Variants in UNC13C observed in about 807,000 individuals in gnomAD.
The protein encoded by UNC13C is protein unc-13 homolog C.
Under a neutral mutation model 245.4 loss-of-function variants are expected in UNC13C, and 174 were observed. The ratio of observed to expected loss-of-function variants is 0.71; its 90% confidence interval spans 0.63 to 0.80. The LOEUF is 0.80. Ranked by LOEUF, UNC13C falls within the 30% of genes least tolerant of loss-of-function variation. UNC13C has a pLI of 0.00. For missense variants in UNC13C, 2,829 were observed against 2,602.9 expected, an observed-to-expected ratio of 1.09 and a Z score of -1.89; for synonymous variants, 992 against 895.1, an observed-to-expected ratio of 1.11 and a Z score of -1.93.
intron 17 of UNC13C, among the ~76,000 whole-genome samples, chr15:54,370,233 C>G (rs1268872678): frequency 2.0e-5 from 3 of 152,084 alleles, no homozygotes; most frequent in Non-Finnish European, 2.9e-5. Flanking sequence ...GATATCCAGT[C>G]TCTTCATTGA....
At chr15:54,073,451 C>T (rs879791315) in intron 2 of UNC13C, among the ~76,000 whole-genome samples, 7 of 152,162 alleles carry the variant, frequency 4.6e-5, no homozygotes, top group Non-Finnish European at 1.0e-4. Context: ...CTTGAGGAAT[C>T]GCCACACTGT....
intron 8 of UNC13C, among the ~76,000 whole-genome samples, chr15:54,257,502 A>G (rs2036309635): frequency 6.6e-6 from 1 of 152,240 alleles, no homozygotes; most frequent in Non-Finnish European, 1.5e-5. Flanking sequence ...TGGTACAGGC[A>G]GAAGAGAAAA....
chr15:54,364,757 T>A (rs1303308319), intron 17 of UNC13C, among the ~76,000 whole-genome samples: 3 of 152,192 alleles, frequency 2.0e-5, no homozygotes, highest in Non-Finnish European at 4.4e-5. Flanking sequence ...ATGAACCTTA[T>A]TCAATGTAAT....
chr15:54,526,778 A>G (rs1895487414), intron 25 of UNC13C, among the ~76,000 whole-genome samples: 2 of 149,970 alleles, frequency 1.3e-5, no homozygotes, highest in Admixed American at 1.3e-4. Flanking sequence ...TGCTCTCTTC[A>G]GGTAGGGACT....
intron 4 of UNC13C, among the ~76,000 whole-genome samples, chr15:54,217,252 T>C (rs531923971): frequency 1.2e-4 from 18 of 151,960 alleles, no homozygotes; most frequent in African/African-American, 3.9e-4. Flanking sequence ...TGATGTGAAA[T>C]TAAATAACTG....
At chr15:54,480,956 T>C (rs1161625967) in intron 19 of UNC13C, among the ~76,000 whole-genome samples, 1 of 152,210 alleles carries the variant, frequency 6.6e-6, no homozygotes, top group Non-Finnish European at 1.5e-5. Context: ...TTCAGGGATC[T>C]ATAGATGCAC....
chr15:54,562,533 C>T lies in UNC13C; in HGVS notation c.5959-5267C>T, dbSNP rs549597785. On this transcript the variant is annotated intron_variant, in intron 29 of 32. Coordinates refer to ENST00000260323, the MANE Select transcript of UNC13C (RefSeq NM_001080534.3). The stretch of plus-strand genomic sequence containing the variant: ...GCCACCACTTAATAGCAGCCAGTGA[C>T]GGGACCTCACTAACTTACAAGTGGA... Among the ~76,000 whole-genome samples, 156 of 152,004 alleles carry T rather than the reference C, an allele frequency of 1.0e-3. 2 individuals are homozygous for T. Among genetic ancestry groups the T allele is most frequent in the African/African-American group, 3.4e-3 (140 of 41,512 alleles).
At chr15:54,138,330 C>A (rs1297831225) in intron 2 of UNC13C, among the ~76,000 whole-genome samples, 2 of 152,000 alleles carry the variant, frequency 1.3e-5, no homozygotes, top group East Asian at 3.9e-4. Context: ...ATAACAGAAT[C>A]TTGGAAAATA....
intron 2 of UNC13C, among the ~76,000 whole-genome samples, chr15:54,071,753 A>G (rs549258919): frequency 6.6e-5 from 10 of 152,336 alleles, no homozygotes; most frequent in African/African-American, 2.2e-4. Flanking sequence ...TGAAACAGTC[A>G]TGCCCTTTTT....
intron 28 of UNC13C, among the ~76,000 whole-genome samples, chr15:54,552,439 AT>A (rs1896790950): frequency 1.2e-3 from 4 of 3,422 alleles, no homozygotes; most frequent in African/African-American, 3.8e-3. Context: ...ATAATTATAT[AT>A]TACAATATAT....
Position 54,013,759 on chromosome 15 carries a change from A to C in UNC13C, c.856A>C (p.Ser286Arg). ...CTCCAGCAGTGTGGAGGTTGTACAA[A>C]GTGAAATTGAGCAGTTGCGCACAGG... is the stretch of plus-strand genomic sequence containing the variant. ...EISSSVEVVQ[S>R]EIEQLRTGFV... Residue 286 changes from serine (S) to arginine (R), a missense_variant, in exon 2 of 33, where the codon AGT becomes CGT. Transcript: ENST00000260323. 1 of 1,611,040 alleles carries C rather than the reference A, an allele frequency of 6.2e-7. No individual in the cohort carries two copies. The highest frequency in any genetic ancestry group is 8.5e-7 in the Non-Finnish European group (1 of 1,178,664).
intron 7 of UNC13C, among the ~76,000 whole-genome samples, chr15:54,248,526 A>G (rs59824714): frequency 0.025 from 3,853 of 151,976 alleles, 158 homozygotes; most frequent in African/African-American, 0.089. Context: ...TCTTTATAAG[A>G]CATCTTTATT....
chr15:53,871,048 T>C, the UNC13C span, among the ~76,000 whole-genome samples: 1 of 152,192 alleles, frequency 6.6e-6, no homozygotes. Flanking sequence ...TTCTAGTTCA[T>C]TCTCATTTAG....
At chr15:54,626,477 G>C (rs1216634812) in intron 32 of UNC13C, among the ~76,000 whole-genome samples, 1 of 151,282 alleles carries the variant, frequency 6.6e-6, no homozygotes, top group African/African-American at 2.4e-5. Context: ...AGTAGTAACT[G>C]ATATTGAAAT....
intron 4 of UNC13C, among the ~76,000 whole-genome samples, chr15:54,225,854 G>A (rs2035366785): frequency 6.6e-6 from 1 of 152,172 alleles, no homozygotes; most frequent in African/African-American, 2.4e-5. Context: ...TTGAATAGGA[G>A]TGGTAAGAGA....
intron 10 of UNC13C, among the ~76,000 whole-genome samples, chr15:54,269,409 G>T (rs111383506): frequency 1.3e-5 from 2 of 152,186 alleles, no homozygotes; most frequent in Non-Finnish European, 2.9e-5. Flanking sequence ...AAATAAAACA[G>T]TATGAGAGCC....
At chr15:53,848,006 G>T in the UNC13C span, among the ~76,000 whole-genome samples, 2 of 152,088 alleles carry the variant, frequency 1.3e-5, no homozygotes, top group Non-Finnish European at 2.9e-5. Flanking sequence ...TCATAAAATT[G>T]TTCATATTTC....
At position 53,999,913 on chromosome 15, in the gene UNC13C, A is replaced by G. The variant is rs543261491; in HGVS notation, c.-256-12735A>G. ...ATTATGGTCACGATATATGCTCTGT[A>G]AGATGTTAGTCTTTTGAAATATTTG... On this transcript the variant is annotated intron_variant, in intron 1 of 32. Coordinates refer to ENST00000260323, the MANE Select transcript of UNC13C (RefSeq NM_001080534.3). Among the ~76,000 whole-genome samples, 177 of 152,116 alleles carry G rather than the reference A, an allele frequency of 1.2e-3. 1 individual carries two copies. The highest frequency in any genetic ancestry group is 4.2e-3 in the African/African-American group (173 of 41,530).
chr15:54,230,826 A>C (rs1329421308), intron 4 of UNC13C, among the ~76,000 whole-genome samples: 1 of 152,040 alleles, frequency 6.6e-6, no homozygotes, highest in Non-Finnish European at 1.5e-5. Flanking sequence ...CACATTGCCT[A>C]CCTATATCAA....
Sources: allele counts gnomAD v4.1 joint callset (sites outside exome capture counted in the v4.1 genomes callset), GRCh38; gene constraint gnomAD v4.1.1; transcripts MANE v1.5; gene names NCBI Gene and HGNC (gene_info 2026-07-23, HGNC 2026-07-21).